UTRN: variants seen among roughly 807,000 people sequenced by gnomAD.
The protein encoded by UTRN is dystrophin-related protein 1.
A neutral mutation model predicts 463.9 loss-of-function variants in UTRN; 283 were observed. The ratio of observed to expected loss-of-function variants is 0.61; its 90% CI spans 0.55 to 0.67. The LOEUF (loss-of-function observed/expected upper bound fraction) is 0.67, where lower values mean the gene tolerates loss of function less well. Among genes scored for constraint, UTRN ranks in the 30% least tolerant of loss-of-function variants. The pLI is 0.00. For synonymous variants in UTRN, 1,442 were observed against 1,431.5 expected, an observed-to-expected ratio of 1.01 and a Z score of -0.17; for missense variants, 3,922 against 4,084.3, an observed-to-expected ratio of 0.96 and a Z score of 1.08.
chr6:144,746,061 C>T (rs1289901265), intron 54 of UTRN, among the ~76,000 whole-genome samples: 1 of 151,582 alleles, frequency 6.6e-6, no homozygotes, highest in East Asian at 1.9e-4. Flanking sequence ...AGTACAGTGG[C>T]ACATTATCGG....
At chr6:144,339,406 A>G (rs1474627) in intron 2 of UTRN, among the ~76,000 whole-genome samples, 9,891 of 152,222 alleles carry the variant, frequency 0.065, 1,033 homozygotes, top group African/African-American at 0.22. Context: ...AAAGGGGGCA[A>G]TTGCAGAAAT....
chr6:144,650,954 TTATG>T (rs1366981095), intron 51 of UTRN, among the ~76,000 whole-genome samples: 3 of 151,986 alleles, frequency 2.0e-5, no homozygotes, highest in African/African-American at 7.2e-5. Context: ...TGATAAATCT[TTATG>T]TAACCTATTT....
intron 37 of UTRN, 152 bp from the exon 38 acceptor site, chr6:144,516,077 G>A (rs1490661126): frequency 1.4e-5 from 10 of 736,930 alleles, no homozygotes; most frequent in African/African-American, 7.1e-5. Flanking sequence ...TAAAATCATT[G>A]CCATATAAAT....
chr6:144,689,416 A>G (rs1261139629), intron 52 of UTRN, among the ~76,000 whole-genome samples: 3 of 152,194 alleles, frequency 2.0e-5, no homozygotes, highest in Admixed American at 2.0e-4. Context: ...AACTTCCCAC[A>G]GGTGGAAATG....
At position 144,480,561 on chromosome 6, in the gene UTRN, G is replaced by A. The variant is rs79594449; in HGVS notation, c.3507+579G>A. 7.4e-4 allele frequency among the ~76,000 whole-genome samples: 113 copies of A among 152,242 alleles called. 1 individual carries two copies. In the East Asian group the frequency reaches 8.1e-3, roughly 11 times the overall value. On this transcript the variant is annotated intron_variant, in intron 26 of 74. Transcript: ENST00000367545. ...GTAGGAATAGCGGTAGGAATGCATC[G>A]GGGAGTTCATATTAGTTGGATCCAC...
At chr6:144,372,370 T>A (rs1481499551) in intron 2 of UTRN, among the ~76,000 whole-genome samples, 2 of 152,226 alleles carry the variant, frequency 1.3e-5, no homozygotes, top group Non-Finnish European at 2.9e-5. Flanking sequence ...ACCTCATGGC[T>A]GTTGTGAGGA....
chr6:144,819,910 TC>T (rs1222567610), intron 65 of UTRN, among the ~76,000 whole-genome samples: 62 of 79,904 alleles, frequency 7.8e-4, no homozygotes, highest in East Asian at 5.5e-3. Context: ...CTCCTCCTCC[TC>T]CTCTCTCTCT....
In UTRN at chr6:144,587,258, G is replaced by C. The variant is rs114450803; in HGVS notation, c.7479+9970G>C. 3.4e-3 allele frequency among the ~76,000 whole-genome samples: 513 copies of C among 152,222 alleles called. 2 individuals are homozygous for C. Among genetic ancestry groups the C allele is most frequent in the African/African-American group, 0.012 (483 of 41,522 alleles). ...ATCTCAAAGTCTTCCCCGGAATACT[G>C]TGTCTTCTGTGGTATTAAAGCAACT... is the stretch of plus-strand genomic sequence containing the variant. On this transcript the variant is annotated intron_variant, in intron 51 of 74. Transcript: ENST00000367545.
intron 2 of UTRN, among the ~76,000 whole-genome samples, chr6:144,401,992 C>T (rs541697104): frequency 9.2e-5 from 14 of 152,170 alleles, no homozygotes; most frequent in Non-Finnish European, 1.6e-4. Context: ...GTCGCAGATA[C>T]GCCTTGGACA....
At chr6:144,679,129 A>G (rs1294161022) in intron 52 of UTRN, among the ~76,000 whole-genome samples, 2 of 152,160 alleles carry the variant, frequency 1.3e-5, no homozygotes, top group Non-Finnish European at 1.5e-5. Context: ...TAGAAATTAA[A>G]TATCTCTTAT....
intron 46 of UTRN, among the ~76,000 whole-genome samples, chr6:144,546,781 C>A (rs1162343473): frequency 6.6e-6 from 1 of 152,122 alleles, no homozygotes; most frequent in East Asian, 1.9e-4. Context: ...TGCTTCCCAG[C>A]CTGGGTGACA....
rs1015981032 is a variant in UTRN at position 144,803,039 on chromosome 6, T to C, written c.9249T>C (p.Tyr3083=). Residue 3083 remains tyrosine, a synonymous_variant, in exon 65 of 75, where the codon TAT becomes TAC. Transcript: ENST00000367545. ...CKECPIVGFR[Y]RSLKHFNYDV... ...AATTTTCTTTTGTTTTCTCTAGGTA[T>C]AGAAGCCTTAAGCATTTTAACTATG... The C allele has an allele frequency of 4.5e-6, 7 of 1,565,016 alleles. No homozygotes were observed. The Admixed American group carries it at 9.8e-5, about 22-fold the overall frequency.
intron 53 of UTRN, among the ~76,000 whole-genome samples, chr6:144,713,739 G>A (rs1488666857): frequency 6.6e-6 from 1 of 151,680 alleles, no homozygotes; most frequent in Non-Finnish European, 1.5e-5. Context: ...TGACCAACAT[G>A]GAGAAACCCC....
chr6:144,462,959 C>T lies in UTRN; in HGVS notation c.3066+93C>T, dbSNP rs1342558317. 1.8e-5 allele frequency: 19 copies of T among 1,081,024 alleles called. 1 individual carries two copies. The South Asian group carries it at 2.6e-4, about 15-fold the overall frequency. The allele number at this position is 1,081,024 out of a possible 1,614,324, so 67.0% of individuals were successfully genotyped here. A position where few individuals can be genotyped will look rare whatever the true frequency, so the allele number is the denominator to read the frequency against. ...ACGTATTTATTATTTAAATATTTTA[C>T]ATTCTTTCTAGATCCCCATTTATTA... On this transcript the variant is annotated intron_variant, in intron 23 of 74. Transcript: ENST00000367545.
In UTRN at chr6:144,677,761, T is replaced by A. The variant is rs993462224; in HGVS notation, c.7480-645T>A. On this transcript the variant is annotated intron_variant, in intron 51 of 74. Coordinates refer to ENST00000367545, the MANE Select transcript of UTRN (RefSeq NM_007124.3). ...GTAAAAGCATTCCAATTTCACCACA[T>A]CCTCGCCAGCACCTGTTGTGTACTT... 3.9e-5 allele frequency among the ~76,000 whole-genome samples: 6 copies of A among 152,184 alleles called. No individual in the cohort carries two copies. The East Asian group carries it at 9.6e-4, about 24-fold the overall frequency.
chr6:144,415,517 T>A (rs1784288917), intron 3 of UTRN, among the ~76,000 whole-genome samples: 1 of 152,234 alleles, frequency 6.6e-6, no homozygotes, highest in South Asian at 2.1e-4. Context: ...GTAGATTTTT[T>A]TCTATTACTA....
At chr6:144,296,556 T>C (rs965805733) in intron 2 of UTRN, among the ~76,000 whole-genome samples, 11 of 152,300 alleles carry the variant, frequency 7.2e-5, no homozygotes, top group African/African-American at 2.6e-4. Flanking sequence ...TATTCAATGA[T>C]AAAGGCTACA....
At chr6:144,681,371 G>A (rs1010602049) in intron 52 of UTRN, among the ~76,000 whole-genome samples, 3 of 152,166 alleles carry the variant, frequency 2.0e-5, no homozygotes, top group African/African-American at 7.2e-5. Flanking sequence ...GGAGAGGGAA[G>A]CAGCAAGGAA....
At chr6:144,480,361 C>T (rs1791720330) in intron 26 of UTRN, among the ~76,000 whole-genome samples, 1 of 152,158 alleles carries the variant, frequency 6.6e-6, no homozygotes, top group African/African-American at 2.4e-5. Flanking sequence ...GTGCACAATC[C>T]AGTGGCATTA....
Sources: allele counts gnomAD v4.1 joint callset (sites outside exome capture counted in the v4.1 genomes callset), GRCh38; gene constraint gnomAD v4.1.1; transcripts MANE v1.5; gene names NCBI Gene and HGNC (gene_info 2026-07-23, HGNC 2026-07-21).